The following SHROOM4 variants were observed in gnomAD, a reference collection of about 807,000 sequenced individuals.
SHROOM4 encodes shroom family member 4, also known as protein Shroom4.
A neutral mutation model predicts 80.3 loss-of-function variants in SHROOM4; 17 were observed. That is an observed-to-expected ratio of 0.21 (90% CI 0.14 to 0.32). The LOEUF (loss-of-function observed/expected upper bound fraction) is 0.32, where lower values mean the gene tolerates loss of function less well. SHROOM4 is among the 10% of genes least tolerant of loss of function. The pLI is 1.00. For missense variants in SHROOM4, 993 were observed against 1,140.3 expected, an observed-to-expected ratio of 0.87 and a Z score of 1.86; for synonymous variants, 400 against 437.5, an observed-to-expected ratio of 0.91 and a Z score of 1.07.
rs181044406 is a variant in SHROOM4 at position 50,662,721 on chromosome X, T to A, written c.270-24413A>T. Among the ~76,000 whole-genome samples the A allele has an allele frequency of 6.2e-5, 7 of 112,115 alleles. No homozygotes were observed. The East Asian group carries it at 2.0e-3, about 32-fold the overall frequency. On this transcript the variant is annotated intron_variant, in intron 2 of 8. Coordinates refer to ENST00000376020, the MANE Select transcript of SHROOM4 (RefSeq NM_020717.5). ...TGATTAAGTAACTTACCAAAGGTCATCTAGCTTATATGTGATTTGACACCA... is the reference window on the plus strand; with the variant it reads ...TGATTAAGTAACTTACCAAAGGTCAACTAGCTTATATGTGATTTGACACCA...
At position 50,588,235 on chromosome X, in the gene SHROOM4, C is replaced by A. The variant is rs1191830494; in HGVS notation, c.*8460G>T. Among the ~76,000 whole-genome samples the A allele has an allele frequency of 9.0e-6, 1 of 111,463 alleles. No homozygotes were observed. Among genetic ancestry groups the A allele is most frequent in the African/African-American group, 3.3e-5 (1 of 30,631 alleles). ...TCCTAAGGCTGAAACATTTTATCTG[C>A]AGGTCCAAAAAATCTTGACCTGGTG... On this transcript the variant is annotated 3_prime_UTR_variant, in exon 9 of 9. Transcript: ENST00000376020.
chrX:50,690,796 G>C (rs950530735), intron 2 of SHROOM4, among the ~76,000 whole-genome samples: 5 of 111,671 alleles, frequency 4.5e-5, no homozygotes, highest in African/African-American at 1.6e-4. Context: ...GTGAAGCCCT[G>C]TCTCTACTAA....
chrX:50,620,768 G>A (rs12014733), intron 5 of SHROOM4, among the ~76,000 whole-genome samples: 4,609 of 111,246 alleles, frequency 0.041, 217 homozygotes, highest in African/African-American at 0.14. Context: ...CTAGAGAGGT[G>A]GTACTTTTCC....
chrX:50,639,710 A>G (rs1478166018), intron 2 of SHROOM4, among the ~76,000 whole-genome samples: 1 of 111,001 alleles, frequency 9.0e-6, no homozygotes, highest in African/African-American at 3.3e-5. Flanking sequence ...CTAGCTGGAA[A>G]TGCCCCTCAC....
chrX:50,582,388 G>A (rs1557244337), downstream of SHROOM4, among the ~76,000 whole-genome samples: 2 of 111,532 alleles, frequency 1.8e-5, no homozygotes. Flanking sequence ...ATTCAGTTGT[G>A]GCATCATAGT....
intron 6 of SHROOM4, among the ~76,000 whole-genome samples, chrX:50,606,589 T>C (rs1260076805): frequency 9.4e-6 from 1 of 106,841 alleles, no homozygotes; most frequent in Non-Finnish European, 1.9e-5. Context: ...GCAAAAGAAA[T>C]TAAAAAAAAA....
At chrX:50,723,841 G>A (rs1934185577) in intron 1 of SHROOM4, among the ~76,000 whole-genome samples, 1 of 111,179 alleles carries the variant, frequency 9.0e-6, no homozygotes, top group Admixed American at 9.5e-5. Flanking sequence ...CCCCAGCTCT[G>A]GTGCCAAATT....
At chrX:50,627,549 C>G (rs1569546716) in intron 5 of SHROOM4, 65 bp downstream of exon 5, 2 of 1,024,649 alleles carry the variant, frequency 2.0e-6, no homozygotes, top group East Asian at 6.1e-5. Context: ...AACCAAAGAC[C>G]TTAGCAATTT....
At chrX:50,757,177 G>C (rs1034959798) in intron 1 of SHROOM4, among the ~76,000 whole-genome samples, 64 of 112,358 alleles carry the variant, frequency 5.7e-4, no homozygotes, top group African/African-American at 2.0e-3. Flanking sequence ...ATGGTGTGAA[G>C]TCAAAGATCA....
intron 2 of SHROOM4, among the ~76,000 whole-genome samples, chrX:50,658,164 G>C (rs1224254897): frequency 8.9e-6 from 1 of 111,955 alleles, no homozygotes; most frequent in African/African-American, 3.2e-5. Context: ...TGATTTCCCA[G>C]CCTCTAGAAC....
At chrX:50,577,903 C>A in the SHROOM4 span, among the ~76,000 whole-genome samples, 2 of 111,355 alleles carry the variant, frequency 1.8e-5, no homozygotes, top group African/African-American at 3.3e-5. Context: ...ACACTGATAC[C>A]CCCCCAGCAC....
At chrX:50,711,246 ATTGT>A (rs1933805831) in intron 1 of SHROOM4, among the ~76,000 whole-genome samples, 1 of 111,849 alleles carries the variant, frequency 8.9e-6, no homozygotes, top group South Asian at 3.8e-4. Flanking sequence ...ACCAAATCTT[ATTGT>A]ATGCCACCTG....
At chrX:50,724,627 G>T (rs782343165) in intron 1 of SHROOM4, among the ~76,000 whole-genome samples, 59 of 111,845 alleles carry the variant, frequency 5.3e-4, no homozygotes, top group Non-Finnish European at 9.4e-4. Flanking sequence ...ACCACACCTG[G>T]CTTATTTTAT....
At chrX:50,747,918 T>A (rs9887134) in intron 1 of SHROOM4, among the ~76,000 whole-genome samples, 17 of 110,942 alleles carry the variant, frequency 1.5e-4, no homozygotes, top group African/African-American at 4.6e-4. Context: ...TATTACCCTA[T>A]AAAGGAAGGA....
intron 2 of SHROOM4, among the ~76,000 whole-genome samples, chrX:50,658,642 T>C (rs1490452592): frequency 1.8e-5 from 2 of 111,353 alleles, no homozygotes; most frequent in Admixed American, 1.9e-4. Flanking sequence ...TTAACCACTA[T>C]TCTAACCTCC....
intron 2 of SHROOM4, among the ~76,000 whole-genome samples, chrX:50,664,808 G>A (rs1298033256): frequency 5.4e-5 from 6 of 110,254 alleles, no homozygotes; most frequent in Non-Finnish European, 1.1e-4. Context: ...ATGACACATA[G>A]TAGATATATT....
chrX:50,761,395 G>T (rs952194463), intron 1 of SHROOM4, among the ~76,000 whole-genome samples: 5 of 111,703 alleles, frequency 4.5e-5, no homozygotes, highest in African/African-American at 1.6e-4. Context: ...ACAGTGTATA[G>T]GTGTCCCCTT....
intron 5 of SHROOM4, among the ~76,000 whole-genome samples, chrX:50,620,066 G>C (rs782197145): frequency 9.0e-6 from 1 of 111,480 alleles, no homozygotes; most frequent in African/African-American, 3.3e-5. Flanking sequence ...TTGGTACGGG[G>C]ATTTTTTACA....
chrX:50,631,255 T>C (rs1005270271), intron 4 of SHROOM4, among the ~76,000 whole-genome samples: 10 of 111,248 alleles, frequency 9.0e-5, no homozygotes, highest in African/African-American at 3.3e-4. Flanking sequence ...TCAATCAATG[T>C]CATTCACCAC....
Sources: gnomAD v4.1 joint callset for allele counts (sites outside exome capture counted in the v4.1 genomes callset) on GRCh38, gnomAD v4.1.1 for gene constraint, MANE v1.5 for transcripts, NCBI Gene and HGNC (gene_info 2026-07-23, HGNC 2026-07-21) for gene names.